Variants in PDE4D observed in about 807,000 individuals in gnomAD.
PDE4D encodes the protein 3',5'-cyclic-AMP phosphodiesterase 4D.
Under a neutral mutation model 87.4 loss-of-function variants are expected in PDE4D, and 24 were observed. That is an observed-to-expected ratio of 0.27 (90% CI 0.20 to 0.39). The LOEUF is 0.39. Ranked by LOEUF, PDE4D falls within the 10% of genes least tolerant of loss-of-function variation. PDE4D has a pLI of 1.00. For synonymous variants in PDE4D, 384 were observed against 383.2 expected (o/e 1.00, Z -0.02); for missense variants, 714 against 1,041.0 (o/e 0.69, Z 4.32).
At chr5:59,336,315 A>G (rs2153579463) in intron 1 of PDE4D, among the ~76,000 whole-genome samples, 1 of 152,364 alleles carries the variant, frequency 6.6e-6, no homozygotes, top group Admixed American at 6.5e-5. Context: ...AAACTTTCGT[A>G]GAAAAAATTT....
intron 1 of PDE4D, among the ~76,000 whole-genome samples, chr5:59,287,669 G>T (rs1208506642): frequency 1.3e-5 from 2 of 151,940 alleles, no homozygotes; most frequent in Admixed American, 6.6e-5. Context: ...GGTGGCCACA[G>T]GGGTATTTGT....
intron 1 of PDE4D, among the ~76,000 whole-genome samples, chr5:60,365,881 TA>T (rs1163759132): frequency 1.3e-5 from 2 of 151,836 alleles, no homozygotes; most frequent in African/African-American, 4.8e-5. Context: ...CCATCTCTAC[TA>T]AAAATACAAA....
At chr5:59,037,834 T>C (rs1030945645) in intron 6 of PDE4D, among the ~76,000 whole-genome samples, 10 of 129,772 alleles carry the variant, frequency 7.7e-5, no homozygotes, top group African/African-American at 2.6e-4. Context: ...CATAGAAAGG[T>C]AGAAAAAAAA....
intron 3 of PDE4D, among the ~76,000 whole-genome samples, chr5:59,961,030 A>G (rs2152810390): frequency 6.6e-6 from 1 of 152,298 alleles, no homozygotes; most frequent in East Asian, 1.9e-4. Flanking sequence ...ACTACATTCC[A>G]GGCTCTGGTC....
intron 1 of PDE4D, among the ~76,000 whole-genome samples, chr5:60,474,129 TATATATATATATATATATATAACA>T (rs1459012885): frequency 9.9e-6 from 1 of 100,514 alleles, no homozygotes; most frequent in African/African-American, 5.6e-5. Flanking sequence ...TATATATATA[TATATATATATATATATATATAACA>T]AAAACCTTAG....
intron 1 of PDE4D, among the ~76,000 whole-genome samples, chr5:59,435,723 CT>C (rs1796716019): frequency 6.6e-6 from 1 of 152,144 alleles, no homozygotes; most frequent in South Asian, 2.1e-4. Context: ...AACAAGATAG[CT>C]GAAATTGTAA....
rs1478397473 is a variant in PDE4D at position 59,528,298 on chromosome 5, A to G, written c.456-312330T>C. ...GGAAAAGGGTGTAGTTTGGGAAAAT[A>G]CTATTACATCAAGCTGGGAAGGACA... On this transcript the variant is annotated intron_variant, in intron 1 of 14. Transcript: ENST00000340635. 2.6e-5 allele frequency among the ~76,000 whole-genome samples: 4 copies of G among 152,206 alleles called. No individual in the cohort carries two copies. The East Asian group carries it at 7.7e-4, about 29-fold the overall frequency.
chr5:59,688,046 C>A (rs555082920), intron 1 of PDE4D, among the ~76,000 whole-genome samples: 2 of 152,288 alleles, frequency 1.3e-5, no homozygotes, highest in South Asian at 2.1e-4. Context: ...GCACCCAATA[C>A]AGGAGCACCC....
intron 1 of PDE4D, among the ~76,000 whole-genome samples, chr5:60,272,370 G>C (rs1750905235): frequency 6.6e-6 from 1 of 152,226 alleles, no homozygotes; most frequent in African/African-American, 2.4e-5. Context: ...AACTTCAGTT[G>C]ATGTTACAAA....
chr5:59,630,917 C>A (rs140058693), intron 1 of PDE4D, among the ~76,000 whole-genome samples: 2 of 152,010 alleles, frequency 1.3e-5, no homozygotes, highest in Admixed American at 1.3e-4. Context: ...TCCTGACGCT[C>A]GGTTTTTTTT....
At chr5:59,333,814 T>C (rs779390739) in intron 1 of PDE4D, among the ~76,000 whole-genome samples, 1 of 152,172 alleles carries the variant, frequency 6.6e-6, no homozygotes, top group Admixed American at 6.5e-5. Flanking sequence ...CTGGTGGGGA[T>C]AATTTATCTT....
chr5:60,404,982 A>G (rs746870738), intron 1 of PDE4D, among the ~76,000 whole-genome samples: 5 of 152,246 alleles, frequency 3.3e-5, no homozygotes, highest in Non-Finnish European at 7.3e-5. Flanking sequence ...TCAAAGATGC[A>G]GCCACCTGCC....
At chr5:60,329,334 C>T (rs556668390) in intron 1 of PDE4D, among the ~76,000 whole-genome samples, 9 of 152,262 alleles carry the variant, frequency 5.9e-5, no homozygotes, top group South Asian at 4.1e-4. Context: ...TCCCCTGCTT[C>T]GCTCAGCACT....
At chr5:60,039,920 T>C (rs1768269967) in intron 2 of PDE4D, among the ~76,000 whole-genome samples, 1 of 152,198 alleles carries the variant, frequency 6.6e-6, no homozygotes, top group East Asian at 1.9e-4. Context: ...CCACTTAACA[T>C]TCCTGAACAT....
At chr5:59,807,671 T>C (rs932375466) in intron 1 of PDE4D, among the ~76,000 whole-genome samples, 4 of 152,156 alleles carry the variant, frequency 2.6e-5, no homozygotes, top group African/African-American at 4.8e-5. Context: ...GACAGACCTT[T>C]AACACTGAGG....
chr5:59,466,061 T>C (rs753928277), intron 1 of PDE4D, among the ~76,000 whole-genome samples: 6 of 152,182 alleles, frequency 3.9e-5, no homozygotes, highest in Non-Finnish European at 8.8e-5. Flanking sequence ...TGATCCTATT[T>C]TGAAGCACAG....
chr5:59,500,394 C>T (rs905953570), intron 1 of PDE4D, among the ~76,000 whole-genome samples: 1 of 151,968 alleles, frequency 6.6e-6, no homozygotes, highest in East Asian at 1.9e-4. Context: ...AGAAAATGTG[C>T]TACATATATA....
At chr5:60,260,341 C>A (rs967886153) in intron 1 of PDE4D, among the ~76,000 whole-genome samples, 1 of 151,970 alleles carries the variant, frequency 6.6e-6, no homozygotes, top group African/African-American at 2.4e-5. Context: ...GAGTCATATC[C>A]ATGCTAATCC....
chr5:60,162,087 C>T (rs752204791), intron 2 of PDE4D, among the ~76,000 whole-genome samples: 12 of 151,880 alleles, frequency 7.9e-5, no homozygotes, highest in Middle Eastern at 3.4e-3. Flanking sequence ...TTAATAAGCT[C>T]GAGGGAAAAC....
Sources: gnomAD v4.1 joint callset for allele counts (sites outside exome capture counted in the v4.1 genomes callset) on GRCh38, gnomAD v4.1.1 for gene constraint, MANE v1.5 for transcripts, NCBI Gene and HGNC (gene_info 2026-07-23, HGNC 2026-07-21) for gene names.